Variants in ZNRF1 observed in about 807,000 individuals in gnomAD.
ZNRF1 encodes zinc and ring finger 1.
Under a neutral mutation model 18.4 loss-of-function variants are expected in ZNRF1, and 3 were observed. The observed-to-expected ratio is 0.16, with a 90% confidence interval of 0.07 to 0.42. ZNRF1 has a LOEUF of 0.42. ZNRF1 is among the 10% of genes least tolerant of loss of function. The probability of loss-of-function intolerance (pLI) is 0.99; values close to 1 mark genes in which losing one functional copy is unlikely to be tolerated. For synonymous variants in ZNRF1, 157 were observed against 144.2 expected, an observed-to-expected ratio of 1.09 and a Z score of -0.64; for missense variants, 310 against 329.8, an observed-to-expected ratio of 0.94 and a Z score of 0.47.
chr16:75,068,188 TAAAAAAAA>T (rs57755915), intron 1 of ZNRF1, among the ~76,000 whole-genome samples: 91 of 88,952 alleles, frequency 1.0e-3, no homozygotes, highest in Non-Finnish European at 1.7e-3. Flanking sequence ...GACCTTGTCT[TAAAAAAAA>T]AAAAAAAAAA....
intron 2 of ZNRF1, chr16:75,095,685 A>T: frequency 6.5e-7 from 1 of 1,549,770 alleles, no homozygotes; most frequent in Non-Finnish European, 8.7e-7. Context: ...TGGAGGACAG[A>T]GTGCTCTTGG....
rs1484268913 is a variant in ZNRF1 at position 75,044,761 on chromosome 16, A to AC, written c.424+44670dup. Among the ~76,000 whole-genome samples, 3 of 152,160 alleles carry AC rather than the reference A, an allele frequency of 2.0e-5. No homozygotes were observed. The East Asian group carries it at 5.8e-4, about 29-fold the overall frequency. ...TTTAATTAAGTTATTTGATGGACATACCCCTTTCCCTTGGAAAAGGGACTG... is the reference window on the plus strand; with the variant it reads ...TTTAATTAAGTTATTTGATGGACATACCCCCTTTCCCTTGGAAAAGGGACTG... On this transcript the variant is annotated intron_variant, in intron 1 of 4. Coordinates refer to ENST00000335325, the MANE Select transcript of ZNRF1 (RefSeq NM_032268.5).
At chr16:75,022,289 C>T (rs953752425) in intron 1 of ZNRF1, among the ~76,000 whole-genome samples, 11 of 149,968 alleles carry the variant, frequency 7.3e-5, no homozygotes, top group Non-Finnish European at 1.3e-4. Context: ...ATTGGCTGAG[C>T]GAGGTGGCTC....
intron 1 of ZNRF1, among the ~76,000 whole-genome samples, chr16:75,078,972 C>T (rs1179688216): frequency 6.6e-6 from 1 of 152,188 alleles, no homozygotes; most frequent in Admixed American, 6.5e-5. Context: ...TGTCCATGTT[C>T]CTGCTACCAT....
intron 1 of ZNRF1, among the ~76,000 whole-genome samples, chr16:75,082,487 G>A (rs1418026119): frequency 6.6e-6 from 1 of 152,210 alleles, no homozygotes; most frequent in African/African-American, 2.4e-5. Context: ...CACACAGTGT[G>A]CAGTCCTTCC....
At chr16:75,032,284 AT>A (rs1299750872) in intron 1 of ZNRF1, among the ~76,000 whole-genome samples, 2 of 133,414 alleles carry the variant, frequency 1.5e-5, no homozygotes, top group Non-Finnish European at 3.5e-5. Flanking sequence ...TAAGTTTTGT[AT>A]TTTTGTAGAG....
At chr16:75,047,477 C>A (rs1034105293) in intron 1 of ZNRF1, among the ~76,000 whole-genome samples, 8 of 152,204 alleles carry the variant, frequency 5.3e-5, no homozygotes, top group African/African-American at 1.9e-4. Context: ...TATTTGTATT[C>A]ATAGCAAGGG....
chr16:75,087,807 G>A (rs899188718), intron 1 of ZNRF1, among the ~76,000 whole-genome samples: 1 of 152,200 alleles, frequency 6.6e-6, no homozygotes, highest in Admixed American at 6.5e-5. Context: ...CAGCAAGCCC[G>A]AGCAAACTGA....
At chr16:75,088,659 A>G (rs1382721001) in intron 1 of ZNRF1, among the ~76,000 whole-genome samples, 2 of 152,216 alleles carry the variant, frequency 1.3e-5, no homozygotes, top group South Asian at 2.1e-4. Flanking sequence ...GTCGTGGGCC[A>G]GCTCTGCCTC....
chr16:74,999,755 G>T lies in ZNRF1; in HGVS notation c.84G>T (p.Pro28=). ...CCGATGACAGCGCCGTGCCGCCGCC[G>T]GGAGGGGCGCCCCATTTCGGGCACT... The part of the protein sequence containing the change: ...VSTDDSAVPP[P]GGAPHFGHYR... Residue 28 remains proline (P), a synonymous_variant, in exon 1 of 5, where the codon CCG becomes CCT. Transcript: ENST00000335325. The T allele has an allele frequency of 7.2e-7, 1 of 1,391,498 alleles. No homozygotes were observed. The highest frequency in any genetic ancestry group is 1.5e-5 in the African/African-American group (1 of 65,216). 86.2% of individuals were successfully genotyped at this position (1,391,498 alleles called of 1,614,324 possible).
At chr16:75,003,647 C>G (rs2034881855) in intron 1 of ZNRF1, among the ~76,000 whole-genome samples, 1 of 152,204 alleles carries the variant, frequency 6.6e-6, no homozygotes, top group Non-Finnish European at 1.5e-5. Context: ...CGCCTCTTAT[C>G]TGAAAACATC....
At chr16:75,069,426 T>A (rs1313761786) in intron 1 of ZNRF1, among the ~76,000 whole-genome samples, 1 of 152,170 alleles carries the variant, frequency 6.6e-6, no homozygotes, top group Non-Finnish European at 1.5e-5. Context: ...GGGCTTTTGT[T>A]TTTTTGAGAC....
chr16:75,003,118 A>C (rs2034874416), intron 1 of ZNRF1, among the ~76,000 whole-genome samples: 1 of 152,036 alleles, frequency 6.6e-6, no homozygotes, highest in Non-Finnish European at 1.5e-5. Flanking sequence ...CATGCCCAAT[A>C]AGCTTGGGGC....
At chr16:75,053,001 G>A (rs1289880184) in intron 1 of ZNRF1, among the ~76,000 whole-genome samples, 3 of 152,196 alleles carry the variant, frequency 2.0e-5, no homozygotes, top group African/African-American at 7.2e-5. Context: ...GGCGCCCTCT[G>A]ACTTAGCTCC....
chr16:75,064,648 C>T lies in ZNRF1; in HGVS notation c.425-28924C>T, dbSNP rs542116304. ...TAAATCTCCCAGAACCTGCCTGGCA[C>T]GTAGGAGTGGCTCTAGAAATGTGGG... On this transcript the variant is annotated intron_variant, in intron 1 of 4. Transcript: ENST00000335325. Among the ~76,000 whole-genome samples the T allele has an allele frequency of 2.1e-3, 323 of 152,162 alleles. 1 individual carries two copies. Among genetic ancestry groups the T allele is most frequent in the African/African-American group, 7.3e-3 (301 of 41,504 alleles).
At chr16:75,018,482 G>A (rs541349433) in intron 1 of ZNRF1, among the ~76,000 whole-genome samples, 1 of 152,100 alleles carries the variant, frequency 6.6e-6, no homozygotes, top group South Asian at 2.1e-4. Context: ...CTATGATCAT[G>A]GGAATCCTTA....
At chr16:75,039,037 T>A (rs1350777115) in intron 1 of ZNRF1, among the ~76,000 whole-genome samples, 1 of 152,220 alleles carries the variant, frequency 6.6e-6, no homozygotes, top group Non-Finnish European at 1.5e-5. Flanking sequence ...AGGTATGTGA[T>A]AAATCCTTGA....
intron 1 of ZNRF1, among the ~76,000 whole-genome samples, chr16:75,077,534 AAAAC>A (rs776086283): frequency 1.3e-5 from 2 of 152,358 alleles, no homozygotes; most frequent in East Asian, 3.9e-4. Flanking sequence ...CCGTCTCAAA[AAAAC>A]AAACAAAAAA....
At chr16:75,103,201 C>G (rs2036273070) in intron 2 of ZNRF1, among the ~76,000 whole-genome samples, 1 of 152,180 alleles carries the variant, frequency 6.6e-6, no homozygotes, top group Non-Finnish European at 1.5e-5. Context: ...TGCCATAGGA[C>G]TTAATAAAAA....
Sources: allele counts gnomAD v4.1 joint callset (sites outside exome capture counted in the v4.1 genomes callset), GRCh38; gene constraint gnomAD v4.1.1; transcripts MANE v1.5; gene names NCBI Gene and HGNC (gene_info 2026-07-23, HGNC 2026-07-21).